Variants in SGK3 observed in about 807,000 individuals in gnomAD.
SGK3 encodes serine/threonine-protein kinase Sgk3.
In SGK3, 47 loss-of-function variants were observed where a neutral mutation model predicts 68.5. The observed-to-expected ratio is 0.69, with a 90% CI of 0.54 to 0.87. The LOEUF (loss-of-function observed/expected upper bound fraction) is 0.87. Among genes scored for constraint, SGK3 ranks in the 40% least tolerant of loss-of-function variants. The pLI is 0.00. For synonymous variants in SGK3, 181 were observed against 189.1 expected, an observed-to-expected ratio of 0.96 and a Z score of 0.35; for missense variants, 479 against 575.5, an observed-to-expected ratio of 0.83 and a Z score of 1.72.
chr8:66,823,502 A>T (rs567371820), intron 6 of SGK3, among the ~76,000 whole-genome samples: 3 of 150,654 alleles, frequency 2.0e-5, no homozygotes, highest in Admixed American at 1.3e-4. Flanking sequence ...GGTTCAAGTG[A>T]TTCTCCTGCC....
chr8:66,835,040 C>T (rs1444535284), intron 8 of SGK3, among the ~76,000 whole-genome samples: 1 of 151,974 alleles, frequency 6.6e-6, no homozygotes, highest in Non-Finnish European at 1.5e-5. Context: ...GAGGTCGAGG[C>T]AGGTGGATCA....
At chr8:66,846,594 G>A (rs1232565124) in intron 14 of SGK3, among the ~76,000 whole-genome samples, 5 of 152,134 alleles carry the variant, frequency 3.3e-5, no homozygotes, top group African/African-American at 4.8e-5. Context: ...GATTACAGGC[G>A]TGAGCCACCA....
chr8:66,821,694 T>TC (rs1808833735), intron 5 of SGK3, among the ~76,000 whole-genome samples: 1 of 147,786 alleles, frequency 6.8e-6, no homozygotes, highest in Non-Finnish European at 1.5e-5. Flanking sequence ...TTTTTTTTTT[T>TC]TTTTGTATTT....
Position 66,828,653 on chromosome 8 carries a change from G to A in SGK3, c.418-1G>A, listed in dbSNP as rs1485416120. 6.2e-7 allele frequency: 1 copy of A among 1,613,788 alleles called. No individual in the cohort carries two copies. The highest frequency in any genetic ancestry group is 1.1e-5 in the South Asian group (1 of 91,070). On this transcript the variant is annotated splice_acceptor_variant, in intron 6 of 16. Transcript: ENST00000521198. LOFTEE classifies it high-confidence loss of function. ...TTGTTTTTCTTTCCCCACCTTCACA[G>A]CTACACTCTACCTCACAGAACATCA...
chr8:66,807,669 C>T (rs571510295), intron 4 of SGK3, among the ~76,000 whole-genome samples: 1 of 152,216 alleles, frequency 6.6e-6, no homozygotes, highest in African/African-American at 2.4e-5. Context: ...CAGGCATTCC[C>T]ATATTTTTCT....
chr8:66,748,943 G>T (rs1176738327), intron 1 of SGK3, among the ~76,000 whole-genome samples: 2 of 151,954 alleles, frequency 1.3e-5, no homozygotes, highest in Non-Finnish European at 2.9e-5. Flanking sequence ...TGCCCAGGCT[G>T]GAGTGCAGTG....
chr8:66,847,731 A>G (rs966820707), intron 15 of SGK3, among the ~76,000 whole-genome samples: 1 of 152,186 alleles, frequency 6.6e-6, no homozygotes, highest in African/African-American at 2.4e-5. Context: ...AATAACACAG[A>G]GACTAACCAA....
chr8:66,828,605 T>G, intron 6 of SGK3, 49 bp from the exon 7 acceptor site: 7 of 1,608,924 alleles, frequency 4.4e-6, no homozygotes, highest in Non-Finnish European at 5.9e-6. Flanking sequence ...CATTAATTAA[T>G]TTTTGAAGCT....
At chr8:66,745,599 A>AAC (rs1554593990) in intron 1 of SGK3, among the ~76,000 whole-genome samples, 11 of 151,750 alleles carry the variant, frequency 7.2e-5, no homozygotes, top group African/African-American at 1.9e-4. Flanking sequence ...CAAAACAAAA[A>AAC]AACAACAAAA....
Position 66,769,412 on chromosome 8 carries a change from C to T in SGK3, c.-121-24204C>T, listed in dbSNP as rs149380681. On this transcript the variant is annotated intron_variant, in intron 1 of 16. Coordinates refer to ENST00000521198, the MANE Select transcript of SGK3 (RefSeq NM_001033578.3). ...CTAATTTTTGTATTTTTGGTAGAGA[C>T]GGGATTTTGCCATGTTGGCCAGGCT... 9.9e-5 allele frequency among the ~76,000 whole-genome samples: 15 copies of T among 152,244 alleles called. No individual in the cohort carries two copies. In the East Asian group the frequency reaches 2.3e-3, roughly 24 times the overall value.
intron 1 of SGK3, among the ~76,000 whole-genome samples, chr8:66,753,602 A>G (rs1281521506): frequency 1.3e-5 from 2 of 152,168 alleles, no homozygotes; most frequent in South Asian, 2.1e-4. Context: ...AGGAGGGTTG[A>G]TCACCTGAGG....
At chr8:66,742,280 A>G (rs1002829744) in intron 1 of SGK3, among the ~76,000 whole-genome samples, 3 of 152,212 alleles carry the variant, frequency 2.0e-5, no homozygotes, top group African/African-American at 7.2e-5. Flanking sequence ...GAGAAAAAAA[A>G]TCAAAATGAA....
chr8:66,791,745 G>A (rs996974663), intron 1 of SGK3, among the ~76,000 whole-genome samples: 29 of 152,180 alleles, frequency 1.9e-4, no homozygotes, highest in African/African-American at 6.5e-4. Flanking sequence ...CCTTCTGAAT[G>A]TCTCTGCTGT....
chr8:66,833,385 A>T (rs187017451), intron 8 of SGK3, among the ~76,000 whole-genome samples: 1 of 152,208 alleles, frequency 6.6e-6, no homozygotes, highest in Non-Finnish European at 1.5e-5. Context: ...CTATCTGTTT[A>T]TCCTGACACC....
intron 1 of SGK3, among the ~76,000 whole-genome samples, chr8:66,735,020 T>C (rs1313710376): frequency 6.6e-6 from 1 of 152,212 alleles, no homozygotes; most frequent in African/African-American, 2.4e-5. Context: ...TAACTTTTTT[T>C]ACTGTATGAT....
At chr8:66,812,742 AT>A (rs147463256) in intron 4 of SGK3, among the ~76,000 whole-genome samples, 4,824 of 152,298 alleles carry the variant, frequency 0.032, 85 homozygotes, top group Admixed American at 0.044. Flanking sequence ...TAACAGCATT[AT>A]GAGGTATAAA....
chr8:66,767,254 C>G (rs1173853257), intron 1 of SGK3: 1 of 568,270 alleles, frequency 1.8e-6, no homozygotes, highest in East Asian at 3.1e-5. Flanking sequence ...ATTTTATGTC[C>G]TTTGTTCCCT....
chr8:66,849,660 A>G (rs1324448814), intron 15 of SGK3, among the ~76,000 whole-genome samples: 1 of 143,316 alleles, frequency 7.0e-6, no homozygotes, highest in East Asian at 2.1e-4. Context: ...CAGTGGTGTG[A>G]TCACGGCTCA....
intron 1 of SGK3, among the ~76,000 whole-genome samples, chr8:66,723,075 A>C (rs1804842668): frequency 8.0e-6 from 1 of 124,386 alleles, no homozygotes; most frequent in African/African-American, 3.0e-5. Flanking sequence ...AAACATTCAG[A>C]AGTAAGATTT....
Sources: gnomAD v4.1 joint callset for allele counts (sites outside exome capture counted in the v4.1 genomes callset) on GRCh38, gnomAD v4.1.1 for gene constraint, MANE v1.5 for transcripts, NCBI Gene and HGNC (gene_info 2026-07-23, HGNC 2026-07-21) for gene names.